Variants in DZIP1 observed in about 807,000 individuals in gnomAD.
DZIP1 encodes cilium assembly protein DZIP1.
In DZIP1, 97 loss-of-function variants were observed where a neutral mutation model predicts 107.6. The ratio of observed to expected loss-of-function variants is 0.90; its 90% confidence interval spans 0.77 to 1.07. The LOEUF (loss-of-function observed/expected upper bound fraction) is 1.07, where lower values mean the gene tolerates loss of function less well. DZIP1 is among the 50% of genes least tolerant of loss of function. DZIP1 has a pLI of 0.00. For missense variants in DZIP1, 1,035 were observed against 1,063.6 expected (o/e 0.97, Z 0.37); for synonymous variants, 390 against 386.4 (o/e 1.01, Z -0.11).
At chr13:95,611,900 A>T in intron 11 of DZIP1, 137 bp downstream of exon 11, 1 of 1,101,148 alleles carries the variant, frequency 9.1e-7, no homozygotes, top group Non-Finnish European at 1.3e-6. Flanking sequence ...ACTAACTTTT[A>T]CAAGCAATCA....
chr13:95,615,992 T>G (rs1875015453), intron 10 of DZIP1, among the ~76,000 whole-genome samples: 1 of 152,160 alleles, frequency 6.6e-6, no homozygotes, highest in African/African-American at 2.4e-5. Flanking sequence ...AGGAGAAATG[T>G]GCACAGCTGA....
Position 95,580,670 on chromosome 13 carries a change from A to G in DZIP1, c.*1564T>C, listed in dbSNP as rs2044000587. ...ATTAGTGCGTGTTCAAAACCAAACCAGACCAAGTGGTTCAATAAATATCTG... is the reference window on the plus strand; with the variant it reads ...ATTAGTGCGTGTTCAAAACCAAACCGGACCAAGTGGTTCAATAAATATCTG... On this transcript the variant is annotated 3_prime_UTR_variant, in exon 23 of 23. Transcript: ENST00000376829. 6.6e-6 allele frequency: 1 copy of G among 152,234 alleles called. No homozygotes were observed. Among genetic ancestry groups the G allele is most frequent in the African/African-American group, 2.4e-5 (1 of 41,458 alleles). 9.4% of individuals were successfully genotyped at this position (152,234 alleles called of 1,614,324 possible). A position where few individuals can be genotyped will look rare whatever the true frequency, so the allele number is the denominator to read the frequency against.
Position 95,644,364 on chromosome 13 carries a change from G to T in DZIP1, c.-526+13C>A, listed in dbSNP as rs1226549626. The T allele has an allele frequency of 6.6e-6, 1 of 152,430 alleles. No homozygotes were observed. The highest frequency in any genetic ancestry group is 2.4e-5 in the African/African-American group (1 of 41,458). The allele number at this position is 152,430 out of a possible 1,614,324, so 9.4% of individuals were successfully genotyped here. A position where few individuals can be genotyped will look rare whatever the true frequency, so the allele number is the denominator to read the frequency against. The stretch of plus-strand genomic sequence containing the variant: ...TCCTGTGGGCGCCTGGCGCATCCCC[G>T]GTCTCGGCTCACCCCAGCTGCGCGC... On this transcript the variant is annotated intron_variant, in intron 1 of 22. Coordinates refer to ENST00000376829, the MANE Select transcript of DZIP1 (RefSeq NM_198968.4).
intron 6 of DZIP1, chr13:95,630,838 AGTCTGAAACCCT>A: frequency 7.9e-6 from 7 of 890,084 alleles, no homozygotes; most frequent in Non-Finnish European, 9.6e-6. Context: ...CTCGTTTCAG[AGTCTGAAACCCT>A]CTCTGAAACG....
chr13:95,627,378 C>A (rs1008273124), intron 7 of DZIP1, among the ~76,000 whole-genome samples: 2 of 151,856 alleles, frequency 1.3e-5, no homozygotes, highest in African/African-American at 4.9e-5. Context: ...GACCAATGAC[C>A]TAATAGAGCT....
chr13:95,590,466 G>A (rs899133169), intron 16 of DZIP1, 25 bp from the exon 17 acceptor site: 1 of 1,581,246 alleles, frequency 6.3e-7, no homozygotes, highest in Non-Finnish European at 8.6e-7. Context: ...TGTTAAGTTG[G>A]CCAGTTATCC....
At chr13:95,632,630 C>T (rs1877324416) in intron 6 of DZIP1, among the ~76,000 whole-genome samples, 1 of 152,186 alleles carries the variant, frequency 6.6e-6, no homozygotes, top group African/African-American at 2.4e-5. Flanking sequence ...CCTTCCCCTA[C>T]CTAAAATCCT....
chr13:95,600,168 A>G (rs142036518), intron 14 of DZIP1, among the ~76,000 whole-genome samples: 1 of 152,188 alleles, frequency 6.6e-6, no homozygotes, highest in East Asian at 1.9e-4. Flanking sequence ...TATCCTACCA[A>G]CTGAAGGAAA....
At chr13:95,638,636 AACACACAC>A (rs3051404) in intron 5 of DZIP1, among the ~76,000 whole-genome samples, 1 of 149,776 alleles carries the variant, frequency 6.7e-6, no homozygotes, top group South Asian at 2.1e-4. Context: ...CCTTATACAC[AACACACAC>A]ACACACACAC....
chr13:95,612,185 A>G lies in DZIP1; in HGVS notation c.1174-8T>C. On this transcript the variant is annotated splice_region_variant and splice_polypyrimidine_tract_variant and intron_variant, in intron 10 of 22. Transcript: ENST00000376829. ...CTCTATATGTGACAGGAGCTGAAAAAAAGTTAAGAAAGGCATCCATCTGTA... is the reference window on the plus strand; with the variant it reads ...CTCTATATGTGACAGGAGCTGAAAAGAAGTTAAGAAAGGCATCCATCTGTA... 2.5e-6 allele frequency: 4 copies of G among 1,606,346 alleles called. No homozygotes were observed. The highest frequency in any genetic ancestry group is 3.4e-6 in the Non-Finnish European group (4 of 1,179,028).
chr13:95,639,892 C>T (rs2139476717), intron 5 of DZIP1, among the ~76,000 whole-genome samples: 1 of 152,094 alleles, frequency 6.6e-6, no homozygotes, highest in African/African-American at 2.4e-5. Flanking sequence ...TTAGCAATGC[C>T]CAGTGTCATT....
In DZIP1 at chr13:95,612,102, T is replaced by G. The variant is rs1393839731; in HGVS notation, c.1249A>C (p.Arg417=). 1 of 1,613,650 alleles carries G rather than the reference T, an allele frequency of 6.2e-7. No individual in the cohort carries two copies. Among genetic ancestry groups the G allele is most frequent in the Non-Finnish European group, 8.5e-7 (1 of 1,180,028 alleles). ...AGTCTCTGCCCTAGCTCTTCTATCC[T>G]TTTCTTATAGAAAACATTGCTTGCA... The part of the protein sequence containing the change: ...LNASNVFYKK[R]IEELGQRLQE... Residue 417 remains arginine (R), a synonymous_variant, in exon 11 of 23, where the codon AGG becomes CGG. Coordinates refer to ENST00000376829, the MANE Select transcript of DZIP1 (RefSeq NM_198968.4).
chr13:95,595,573 C>A (rs9525029), intron 15 of DZIP1, among the ~76,000 whole-genome samples: 39,951 of 151,928 alleles, frequency 0.26, 6,289 homozygotes, highest in Non-Finnish European at 0.35. Context: ...CTTCTATGAA[C>A]AATCCATCAA....
chr13:95,590,212 G>GA, intron 17 of DZIP1, 67 bp downstream of exon 17: 4 of 1,399,004 alleles, frequency 2.9e-6, no homozygotes, highest in Non-Finnish European at 3.9e-6. Flanking sequence ...ATCTTGTGGT[G>GA]AAAAAAGAAG....
chr13:95,626,278 G>A lies in DZIP1; in HGVS notation c.811-1349C>T, dbSNP rs867898885. Among the ~76,000 whole-genome samples the A allele has an allele frequency of 6.6e-5, 10 of 152,300 alleles. No individual in the cohort carries two copies. The East Asian group carries it at 1.3e-3, about 21-fold the overall frequency. ...AAGCAAAGAACAGGAAAGCAACAGAGAGAATAGATGAAGCCAAAATTTGGT... is the reference window on the plus strand; with the variant it reads ...AAGCAAAGAACAGGAAAGCAACAGAAAGAATAGATGAAGCCAAAATTTGGT... On this transcript the variant is annotated intron_variant, in intron 7 of 22. Transcript: ENST00000376829.
intron 12 of DZIP1, among the ~76,000 whole-genome samples, chr13:95,610,424 T>C (rs940939251): frequency 1.3e-5 from 2 of 151,726 alleles, no homozygotes; most frequent in African/African-American, 4.8e-5. Context: ...GATTCTTCCA[T>C]CCCAGCCTCC....
chr13:95,589,539 TTGGTGCCTTATAAGAAGAG>T (rs1414753745), intron 18 of DZIP1, among the ~76,000 whole-genome samples: 1 of 152,166 alleles, frequency 6.6e-6, no homozygotes, highest in Non-Finnish European at 1.5e-5. Flanking sequence ...CATGATGGGA[TTGGTGCCTTATAAGAAGAG>T]GAAGCGATGT....
chr13:95,620,404 A>G (rs1346762217), intron 9 of DZIP1, among the ~76,000 whole-genome samples: 1 of 152,246 alleles, frequency 6.6e-6, no homozygotes, highest in Non-Finnish European at 1.5e-5. Flanking sequence ...GTAATTCTTT[A>G]CAGTAGTATT....
At chr13:95,588,382 C>A (rs1026972806) in intron 19 of DZIP1, among the ~76,000 whole-genome samples, 3 of 152,088 alleles carry the variant, frequency 2.0e-5, no homozygotes, top group African/African-American at 7.2e-5. Flanking sequence ...ATACACAGTG[C>A]CTCAATGAAA....
Sources: allele counts gnomAD v4.1 joint callset (sites outside exome capture counted in the v4.1 genomes callset), GRCh38; gene constraint gnomAD v4.1.1; transcripts MANE v1.5; gene names NCBI Gene and HGNC (gene_info 2026-07-23, HGNC 2026-07-21).